Variants in GRM7 observed in about 807,000 individuals in gnomAD.
GRM7 encodes the protein glutamate metabotropic receptor 7.
A neutral mutation model predicts 84.5 loss-of-function variants in GRM7; 35 were observed. The ratio of observed to expected loss-of-function variants is 0.41; its 90% CI spans 0.32 to 0.55. The LOEUF is 0.55. Among genes scored for constraint, GRM7 ranks in the 20% least tolerant of loss-of-function variants. The pLI is 0.19. For synonymous variants in GRM7, 487 were observed against 455.1 expected (o/e 1.07, Z -0.89); for missense variants, 1,003 against 1,194.6 (o/e 0.84, Z 2.36).
At chr3:6,961,207 C>T (rs1693284557) in intron 1 of GRM7, among the ~76,000 whole-genome samples, 1 of 152,188 alleles carries the variant, frequency 6.6e-6, no homozygotes, top group South Asian at 2.1e-4. Context: ...TCACTAGCAT[C>T]TTGTGTTCTC....
At chr3:6,934,242 T>C (rs1697607930) in intron 1 of GRM7, among the ~76,000 whole-genome samples, 1 of 152,198 alleles carries the variant, frequency 6.6e-6, no homozygotes, top group Non-Finnish European at 1.5e-5. Flanking sequence ...CTTGAATGAA[T>C]GGATGAGCCA....
At chr3:7,320,681 A>AATGTGTGTGTGT (rs1553559993) in intron 4 of GRM7, among the ~76,000 whole-genome samples, 1 of 141,156 alleles carries the variant, frequency 7.1e-6, no homozygotes, top group Admixed American at 7.2e-5. Context: ...GTGGGTGATC[A>AATGTGTGTGTGT]GTGTGTGTGT....
intron 4 of GRM7, among the ~76,000 whole-genome samples, chr3:7,381,244 G>C (rs1694578556): frequency 6.6e-6 from 1 of 151,494 alleles, no homozygotes; most frequent in South Asian, 2.1e-4. Context: ...CATTATGTGG[G>C]GCTCTGAAGG....
chr3:7,285,764 G>A (rs1290831348), intron 2 of GRM7, among the ~76,000 whole-genome samples: 2 of 152,172 alleles, frequency 1.3e-5, no homozygotes, highest in Non-Finnish European at 2.9e-5. Flanking sequence ...CTTGATCTGA[G>A]AGGAAAAGAA....
At chr3:7,364,805 A>G (rs969923090) in intron 4 of GRM7, among the ~76,000 whole-genome samples, 1 of 151,916 alleles carries the variant, frequency 6.6e-6, no homozygotes, top group African/African-American at 2.4e-5. Context: ...AAGTGCTTAT[A>G]AATCGCTTAC....
chr3:7,497,379 A>G (rs1407910728), intron 7 of GRM7, among the ~76,000 whole-genome samples: 1 of 152,200 alleles, frequency 6.6e-6, no homozygotes, highest in Non-Finnish European at 1.5e-5. Context: ...CTCATGGAGT[A>G]TAAGCCCACC....
chr3:7,404,824 AT>A (rs1482981512), intron 4 of GRM7, among the ~76,000 whole-genome samples: 4 of 152,272 alleles, frequency 2.6e-5, no homozygotes, highest in African/African-American at 9.6e-5. Flanking sequence ...TGCAAACAAG[AT>A]TAAGCCAAAG....
chr3:6,948,589 A>C (rs1218091285), intron 1 of GRM7, among the ~76,000 whole-genome samples: 2 of 152,168 alleles, frequency 1.3e-5, no homozygotes, highest in African/African-American at 4.8e-5. Context: ...TGCAGAGCTG[A>C]GTTCAATTCC....
intron 7 of GRM7, among the ~76,000 whole-genome samples, chr3:7,531,872 G>A (rs981109420): frequency 1.3e-5 from 2 of 152,102 alleles, no homozygotes; most frequent in African/African-American, 4.8e-5. Context: ...GGGCATCCTT[G>A]TCTTGTGCTG....
intron 2 of GRM7, among the ~76,000 whole-genome samples, chr3:7,292,409 A>T (rs1251889451): frequency 2.0e-5 from 3 of 152,184 alleles, no homozygotes; most frequent in African/African-American, 7.2e-5. Context: ...CATTTAGCTT[A>T]AAGTATTGAA....
chr3:7,596,180 G>T (rs56413139), intron 8 of GRM7, among the ~76,000 whole-genome samples: 14,901 of 152,122 alleles, frequency 0.098, 873 homozygotes, highest in African/African-American at 0.16. Context: ...ACAAACAAAA[G>T]GGACAAATCC....
intron 1 of GRM7, among the ~76,000 whole-genome samples, chr3:7,005,036 A>T (rs1695135275): frequency 6.6e-6 from 1 of 152,226 alleles, no homozygotes; most frequent in African/African-American, 2.4e-5. Flanking sequence ...CCCTGTAAGA[A>T]GCTCAGTGGT....
At chr3:7,001,901 C>G (rs1559377564) in intron 1 of GRM7, among the ~76,000 whole-genome samples, 1 of 152,186 alleles carries the variant, frequency 6.6e-6, no homozygotes, top group Non-Finnish European at 1.5e-5. Flanking sequence ...CAGCCAATGA[C>G]ATGTGTGTGC....
chr3:7,713,795 CTTTTTTTT>C (rs60007117), intron 9 of GRM7, among the ~76,000 whole-genome samples: 2 of 64,744 alleles, frequency 3.1e-5, no homozygotes, highest in African/African-American at 5.1e-5. Context: ...CGGATGCTTT[CTTTTTTTT>C]TTTTTTTTTT....
At chr3:6,887,551 G>A (rs1444699337) in intron 1 of GRM7, among the ~76,000 whole-genome samples, 1 of 152,154 alleles carries the variant, frequency 6.6e-6, no homozygotes, top group East Asian at 1.9e-4. Flanking sequence ...CCCTACAAAG[G>A]ACATGAACTC....
rs529121610 is a variant in GRM7 at position 7,167,514 on chromosome 3, T to G, written c.736+20846T>G. ...AATTTATTAAAAGGGTGTTGGCCTG[T>G]GTCAGTGTTCAAGGCAGACTAGAAC... On this transcript the variant is annotated intron_variant, in intron 2 of 9. Coordinates refer to ENST00000357716, the MANE Select transcript of GRM7 (RefSeq NM_000844.4). 2.6e-5 allele frequency among the ~76,000 whole-genome samples: 4 copies of G among 152,274 alleles called. No homozygotes were observed. The East Asian group carries it at 7.7e-4, about 29-fold the overall frequency.
At chr3:6,970,663 C>A (rs1693714529) in intron 1 of GRM7, among the ~76,000 whole-genome samples, 1 of 151,952 alleles carries the variant, frequency 6.6e-6, no homozygotes. Context: ...ACAGAGAGAC[C>A]AGTTAGGCAG....
chr3:7,644,138 A>ATGTGTGTG (rs1559459626), intron 8 of GRM7, among the ~76,000 whole-genome samples: 1 of 109,474 alleles, frequency 9.1e-6, no homozygotes, highest in East Asian at 2.3e-4. Flanking sequence ...GTGTGTGTGT[A>ATGTGTGTG]TATATATGTC....
At chr3:7,159,248 A>T (rs183968257) in intron 2 of GRM7, among the ~76,000 whole-genome samples, 5 of 152,286 alleles carry the variant, frequency 3.3e-5, no homozygotes, top group African/African-American at 1.2e-4. Context: ...AATTTTAAAG[A>T]TCTGTTAACG....
Sources: allele counts gnomAD v4.1 joint callset (sites outside exome capture counted in the v4.1 genomes callset), GRCh38; gene constraint gnomAD v4.1.1; transcripts MANE v1.5; gene names NCBI Gene and HGNC (gene_info 2026-07-23, HGNC 2026-07-21).